MRC2: variants seen among roughly 807,000 people sequenced by gnomAD.
MRC2 encodes mannose receptor C-type 2.
A neutral mutation model predicts 206.2 loss-of-function variants in MRC2; 84 were observed. That is an observed-to-expected ratio of 0.41 (90% confidence interval 0.34 to 0.49). The LOEUF (loss-of-function observed/expected upper bound fraction) is 0.49. MRC2 is among the 20% of genes least tolerant of loss of function. The pLI, the probability that MRC2 is intolerant of heterozygous loss-of-function variation, is 0.31. For missense variants in MRC2, 1,676 were observed against 2,001.5 expected (o/e 0.84, Z 3.10); for synonymous variants, 798 against 800.0 (o/e 1.00, Z 0.04).
At position 62,664,760 on chromosome 17, in the gene MRC2, G is replaced by A; in HGVS notation, c.331G>A (p.Glu111Lys). 1.9e-6 allele frequency: 3 copies of A among 1,614,056 alleles called. No individual in the cohort carries two copies. The highest frequency in any genetic ancestry group is 2.5e-6 in the Non-Finnish European group (3 of 1,180,044). Reference protein sequence around the residue: ...TNTTASLGMYECDREALNLRW... With the variant: ...TNTTASLGMYKCDREALNLRW... The stretch of plus-strand genomic sequence containing the variant: ...CACCACGGCCTCCCTGGGCATGTAT[G>A]AGTGTGACCGGGAAGCACTGAATCT... Residue 111 changes from glutamate (E) to lysine (K), a missense_variant, in exon 2 of 30, where the codon GAG (glutamate) becomes AAG (lysine). Glu to Lys is a moderately conservative substitution (Grantham distance 56, BLOSUM62 1). Around this residue, in one of 3 missense-constraint regions of MRC2, gnomAD observed 318 missense variants for 346.7 expected, o/e 0.92. Transcript: ENST00000303375. This position sits in a 1 kb window ranked among gnomAD's most constrained non-coding sequence, Gnocchi z 4.7.
chr17:62,643,342 A>AAAAAAAAG (rs2088432478), intron 1 of MRC2, among the ~76,000 whole-genome samples: 1 of 38,622 alleles, frequency 2.6e-5, no homozygotes, highest in Non-Finnish European at 8.0e-5. Flanking sequence ...AAAAAAAAAA[A>AAAAAAAAG]AAAAAGAAAA....
intron 20 of MRC2, among the ~76,000 whole-genome samples, chr17:62,685,816 A>G (rs967557077): frequency 1.3e-5 from 2 of 152,148 alleles, no homozygotes; most frequent in Non-Finnish European, 2.9e-5. Context: ...GGCAGGGATT[A>G]CAGGTGTGCG....
At chr17:62,673,871 T>C (rs2088857404) in intron 8 of MRC2, among the ~76,000 whole-genome samples, 192 bp from the exon 9 acceptor site, 1 of 152,242 alleles carries the variant, frequency 6.6e-6, no homozygotes. Flanking sequence ...CATGAACTGC[T>C]TGTGCTCTCA....
At chr17:62,658,804 G>C (rs1187574447) in intron 1 of MRC2, among the ~76,000 whole-genome samples, 2 of 152,130 alleles carry the variant, frequency 1.3e-5, no homozygotes, top group African/African-American at 4.8e-5. Flanking sequence ...CTCCTGCCAA[G>C]GCCATTTTCT....
intron 20 of MRC2, 32 bp from the exon 21 acceptor site, chr17:62,688,256 GC>G: frequency 6.3e-7 from 1 of 1,594,130 alleles, no homozygotes; most frequent in Non-Finnish European, 8.6e-7. Flanking sequence ...GGGTGGTGGG[GC>G]TGGCCATTAC....
chr17:62,691,241 G>C, intron 28 of MRC2, 113 bp downstream of exon 28: 2 of 1,261,794 alleles, frequency 1.6e-6, no homozygotes, highest in Non-Finnish European at 1.1e-6. Context: ...GGGAAGGCCT[G>C]AACAGAACGG....
At chr17:62,676,165 T>A (rs2088889251) in intron 10 of MRC2, among the ~76,000 whole-genome samples, 1 of 152,134 alleles carries the variant, frequency 6.6e-6, no homozygotes, top group Non-Finnish European at 1.5e-5. Context: ...TGTGTCTGAT[T>A]TTCTCTACTT....
At position 62,667,467 on chromosome 17, in the gene MRC2, T is replaced by G; in HGVS notation, c.1051T>G (p.Cys351Gly). ...ESSGGWQNRDCSIALPYVCKK... is the reference protein window; with the variant it reads ...ESSGGWQNRDGSIALPYVCKK... Reference sequence around the variant, plus strand: ...CTCGGGCGGCTGGCAGAACCGTGACTGCAGCATCGCGCTGCCCTATGTGTG... The same window carrying G: ...CTCGGGCGGCTGGCAGAACCGTGACGGCAGCATCGCGCTGCCCTATGTGTG... The change falls in exon 6 of 30, where the codon TGC (cysteine) becomes GGC (glycine). Residue 351 changes from cysteine (C) to glycine (G), a missense_variant. This residue lies in a region of MRC2 where 1,354 missense variants were observed against 1,636.6 expected (regional missense o/e 0.83). Coordinates refer to ENST00000303375, the MANE Select transcript of MRC2 (RefSeq NM_006039.5). The surrounding 1 kb of genome is among the most constrained non-coding windows in gnomAD (Gnocchi z 4.1). The G allele has an allele frequency of 6.2e-7, 1 of 1,612,758 alleles. No individual in the cohort carries two copies. Among genetic ancestry groups the G allele is most frequent in the Non-Finnish European group, 8.5e-7 (1 of 1,179,766 alleles).
intron 1 of MRC2, among the ~76,000 whole-genome samples, chr17:62,637,139 G>T (rs556172750): frequency 3.3e-5 from 5 of 152,022 alleles, no homozygotes; most frequent in African/African-American, 1.2e-4. Context: ...GAGGCAGGCG[G>T]ATCACCTGAA....
At chr17:62,670,576 C>G (rs2147470768) in intron 6 of MRC2, among the ~76,000 whole-genome samples, 1 of 152,356 alleles carries the variant, frequency 6.6e-6, no homozygotes, top group East Asian at 1.9e-4. Context: ...TTTTCTCTTG[C>G]CAAGACCAAG....
rs915441337 is a variant in MRC2, at chr17:62,657,709, C to T, written c.119-6839C>T. On this transcript the variant is annotated intron_variant, in intron 1 of 29. Coordinates refer to ENST00000303375, the MANE Select transcript of MRC2 (RefSeq NM_006039.5). ...ATCAGGCCTCTGCACTCTGAGCTCC[C>T]TCTGCCCGCTTTGTATGTGCTTGAT... Among the ~76,000 whole-genome samples, 35 of 152,302 alleles carry T rather than the reference C, an allele frequency of 2.3e-4. No homozygotes were observed. The Middle Eastern group carries it at 0.014, about 59-fold the overall frequency.
chr17:62,666,265 A>G lies in MRC2; in HGVS notation c.692A>G (p.Lys231Arg). Residue 231 changes from lysine (K) to arginine (R), a missense_variant and splice_region_variant, in exon 3 of 30, where the codon AAG (lysine) becomes AGG (arginine). Physicochemically the swap from Lys to Arg is conservative, Grantham distance 26. Coordinates refer to ENST00000303375, the MANE Select transcript of MRC2 (RefSeq NM_006039.5). The surrounding 1 kb of genome is among the most constrained non-coding windows in gnomAD (Gnocchi z 5.0). ...KDERWGFCPI[K>R]SNDCETFWDK... Reference sequence around the variant, plus strand: ...GAGCGCTGGGGCTTCTGCCCCATCAAGAGTGAGAGCTGTTGGAGCCGTGGG... The same window carrying G: ...GAGCGCTGGGGCTTCTGCCCCATCAGGAGTGAGAGCTGTTGGAGCCGTGGG... 6.3e-7 allele frequency: 1 copy of G among 1,574,904 alleles called. No homozygotes were observed.
Position 62,682,357 on chromosome 17 carries a change from T to G in MRC2, c.2926T>G (p.Trp976Gly). The G allele has an allele frequency of 6.2e-7, 1 of 1,607,156 alleles. No homozygotes were observed. The highest frequency in any genetic ancestry group is 1.1e-5 in the South Asian group (1 of 89,942). ...TTALGGCPSD[W>G]IQFLNKCFQV... ...AGCCCTGGGGGGCTGCCCCTCTGAC[T>G]GGATCCAGTTCCTCAACAAGGTAGG... is the stretch of plus-strand genomic sequence containing the variant. The change falls in exon 20 of 30, where the codon TGG becomes GGG. Residue 976 changes from tryptophan (W) to glycine (G), a missense_variant. Physicochemically the swap from Trp to Gly is radical, Grantham distance 184. Transcript: ENST00000303375.
chr17:62,631,720 C>T (rs573741658), intron 1 of MRC2, among the ~76,000 whole-genome samples: 5 of 152,104 alleles, frequency 3.3e-5, no homozygotes, highest in Admixed American at 2.0e-4. Context: ...TGGACCGAGC[C>T]GCCTGCAGTG....
intron 8 of MRC2, 133 bp from the exon 9 acceptor site, chr17:62,673,930 C>G: frequency 1.4e-6 from 1 of 717,890 alleles, no homozygotes; most frequent in Middle Eastern, 3.1e-4. Context: ...CATTGCACAG[C>G]TGGGACACAG....
At chr17:62,636,759 C>T (rs1303908220) in intron 1 of MRC2, among the ~76,000 whole-genome samples, 1 of 152,118 alleles carries the variant, frequency 6.6e-6, no homozygotes, top group East Asian at 1.9e-4. Flanking sequence ...GCGTGAGTCA[C>T]AGCACCTGGC....
intron 1 of MRC2, among the ~76,000 whole-genome samples, chr17:62,659,962 A>G (rs1289055081): frequency 1.3e-5 from 2 of 152,224 alleles, no homozygotes; most frequent in Non-Finnish European, 1.5e-5. Flanking sequence ...GTCAGGCAGA[A>G]CTGTAGGTGC....
chr17:62,690,844 G>A, intron 27 of MRC2, 83 bp downstream of exon 27: 1 of 1,495,362 alleles, frequency 6.7e-7, no homozygotes. Flanking sequence ...GCCTTGTCCT[G>A]GGGCTTGTCG....
In MRC2 at chr17:62,664,921, G is replaced by T; in HGVS notation, c.492G>T (p.Glu164Asp). The T allele has an allele frequency of 6.2e-7, 1 of 1,611,196 alleles. No individual in the cohort carries two copies. The stretch of plus-strand genomic sequence containing the variant: ...GCCAGTGGCGCATCTACGGCAGCGA[G>T]GAGGACCTATGTGCTCTGCCCTACC... ...RSGQWRIYGS[E>D]EDLCALPYHE... The change falls in exon 2 of 30, where the codon GAG (glutamate) becomes GAT (aspartate). Residue 164 changes from glutamate (E) to aspartate (D), a missense_variant. Glu to Asp is a conservative substitution (Grantham distance 45, BLOSUM62 2). This residue lies in a region of MRC2 where 318 missense variants were observed against 346.7 expected (regional missense o/e 0.92). Coordinates refer to ENST00000303375, the MANE Select transcript of MRC2 (RefSeq NM_006039.5). The surrounding 1 kb of genome is among the most constrained non-coding windows in gnomAD (Gnocchi z 4.7).
Sources: allele counts gnomAD v4.1 joint callset (sites outside exome capture counted in the v4.1 genomes callset), GRCh38; gene constraint gnomAD v4.1.1; regional missense constraint gnomAD v4.1.1; non-coding constraint Gnocchi (gnomAD v3.1); transcripts MANE v1.5; gene names NCBI Gene and HGNC (gene_info 2026-07-23, HGNC 2026-07-21).